LINGO2: variants seen among roughly 807,000 people sequenced by gnomAD.
The protein encoded by LINGO2 is leucine-rich repeat and immunoglobulin-like domain-containing nogo receptor-interacting protein 2.
LINGO2 carries 14 observed loss-of-function variants against 30.6 expected under a neutral mutation model. The ratio of observed to expected loss-of-function variants is 0.46; its 90% CI spans 0.30 to 0.72. The LOEUF is 0.72. LINGO2 is among the 30% of genes least tolerant of loss of function. LINGO2 has a pLI of 0.07. For synonymous variants in LINGO2, 317 were observed against 288.5 expected, an observed-to-expected ratio of 1.10 and a Z score of -1.00; for missense variants, 729 against 751.7, an observed-to-expected ratio of 0.97 and a Z score of 0.35.
intron 5 of LINGO2, among the ~76,000 whole-genome samples, chr9:27,974,351 G>A (rs548255612): frequency 3.9e-5 from 6 of 152,178 alleles, no homozygotes; most frequent in African/African-American, 9.6e-5. Flanking sequence ...TCTTATCAGC[G>A]GTCATAACAG....
At chr9:28,534,955 T>C (rs1339445302) in intron 1 of LINGO2, among the ~76,000 whole-genome samples, 2 of 152,088 alleles carry the variant, frequency 1.3e-5, no homozygotes, top group Non-Finnish European at 2.9e-5. Context: ...TGTGTATGTA[T>C]ATACATACAC....
At chr9:28,089,603 G>A (rs573549819) in intron 4 of LINGO2, among the ~76,000 whole-genome samples, 3 of 152,238 alleles carry the variant, frequency 2.0e-5, no homozygotes, top group East Asian at 3.9e-4. Flanking sequence ...AGGCCCACAA[G>A]AGAAAGCAGG....
chr9:28,783,587 T>C, the LINGO2 span, among the ~76,000 whole-genome samples: 1 of 152,080 alleles, frequency 6.6e-6, no homozygotes, highest in Admixed American at 6.5e-5. Context: ...CAAACCCCAG[T>C]GCCAATACTC....
intron 4 of LINGO2, among the ~76,000 whole-genome samples, chr9:28,170,025 T>G (rs987755299): frequency 6.6e-6 from 1 of 152,246 alleles, no homozygotes; most frequent in African/African-American, 2.4e-5. Context: ...GTTTATTATC[T>G]GCCTGAGCCC....
chr9:28,792,162 T>C, the LINGO2 span, among the ~76,000 whole-genome samples: 18 of 151,840 alleles, frequency 1.2e-4, no homozygotes, highest in Non-Finnish European at 2.4e-4. Flanking sequence ...TGCCTAAGCC[T>C]TACTGTAAAT....
At chr9:27,983,200 T>C (rs1820964285) in intron 5 of LINGO2, among the ~76,000 whole-genome samples, 1 of 151,952 alleles carries the variant, frequency 6.6e-6, no homozygotes, top group Non-Finnish European at 1.5e-5. Flanking sequence ...GTGAAATGCA[T>C]GCATCTTAGA....
exon 6 of LINGO2, chr9:27,950,570 G>A: frequency 6.5e-7 from 1 of 1,540,132 alleles, no homozygotes; most frequent in Non-Finnish European, 8.7e-7. Context: ...TCTGGGCAGA[G>A]CACTCACAGC....
At chr9:28,178,725 AT>A (rs1828817015) in intron 4 of LINGO2, among the ~76,000 whole-genome samples, 1 of 152,078 alleles carries the variant, frequency 6.6e-6, no homozygotes, top group Non-Finnish European at 1.5e-5. Context: ...TCATGTTTTT[AT>A]TCTGGTGATT....
At chr9:28,015,650 G>T (rs1822792445) in intron 4 of LINGO2, among the ~76,000 whole-genome samples, 1 of 152,046 alleles carries the variant, frequency 6.6e-6, no homozygotes, top group African/African-American at 2.4e-5. Context: ...CCCTGAAAGG[G>T]TAATGATGCC....
chr9:29,196,306 C>T, the LINGO2 span, among the ~76,000 whole-genome samples: 2 of 152,000 alleles, frequency 1.3e-5, no homozygotes, highest in African/African-American at 2.4e-5. Flanking sequence ...TGACTGATGA[C>T]TTCCTTTCTT....
intron 1 of LINGO2, among the ~76,000 whole-genome samples, chr9:28,636,475 T>A (rs1209624164): frequency 6.6e-6 from 1 of 152,166 alleles, no homozygotes; most frequent in Non-Finnish European, 1.5e-5. Context: ...CCACATCGTC[T>A]CCAGCACCTG....
At chr9:28,030,904 C>T (rs1008185092) in intron 4 of LINGO2, among the ~76,000 whole-genome samples, 6 of 152,152 alleles carry the variant, frequency 3.9e-5, no homozygotes, top group African/African-American at 1.2e-4. Flanking sequence ...TATTCGCTTG[C>T]ATACCATTGA....
the LINGO2 span, among the ~76,000 whole-genome samples, chr9:29,035,351 CT>C: frequency 6.6e-6 from 1 of 151,916 alleles, no homozygotes; most frequent in African/African-American, 2.4e-5. Flanking sequence ...ATACCACTAT[CT>C]TTTCATTTAG....
chr9:28,647,899 T>C (rs1018779609), intron 1 of LINGO2, among the ~76,000 whole-genome samples: 3 of 150,644 alleles, frequency 2.0e-5, no homozygotes, highest in Admixed American at 2.0e-4. Flanking sequence ...CTTTCTTTTT[T>C]TTTTTTTTTT....
At chr9:28,089,033 C>T (rs574304600) in intron 4 of LINGO2, among the ~76,000 whole-genome samples, 25 of 152,170 alleles carry the variant, frequency 1.6e-4, no homozygotes, top group African/African-American at 2.4e-4. Context: ...AATATATATG[C>T]ACCCAATGCA....
the LINGO2 span, among the ~76,000 whole-genome samples, chr9:28,913,494 T>C: frequency 1.3e-5 from 2 of 152,126 alleles, no homozygotes; most frequent in African/African-American, 4.8e-5. Context: ...TACAATATTA[T>C]ATAGGCATCT....
the LINGO2 span, among the ~76,000 whole-genome samples, chr9:28,679,305 G>C: frequency 2.0e-5 from 3 of 152,008 alleles, no homozygotes; most frequent in East Asian, 1.9e-4. Context: ...TTTAATCCAA[G>C]AAAATCTCAA....
chr9:28,964,588 T>C, the LINGO2 span, among the ~76,000 whole-genome samples: 3 of 151,604 alleles, frequency 2.0e-5, no homozygotes, highest in Non-Finnish European at 4.4e-5. Context: ...AAACAAGGAG[T>C]GACATAGTCA....
chr9:28,753,092 T>A, the LINGO2 span, among the ~76,000 whole-genome samples: 1 of 151,142 alleles, frequency 6.6e-6, no homozygotes, highest in Admixed American at 6.6e-5. Flanking sequence ...TTTCATTCTG[T>A]GGCTTAAAGG....
Sources: gnomAD v4.1 joint callset for allele counts (sites outside exome capture counted in the v4.1 genomes callset) on GRCh38, gnomAD v4.1.1 for gene constraint, MANE v1.5 for transcripts, NCBI Gene and HGNC (gene_info 2026-07-23, HGNC 2026-07-21) for gene names.